AKAP6: variants seen among roughly 807,000 people sequenced by gnomAD.
AKAP6 encodes the protein A-kinase anchoring protein 6.
Under a neutral mutation model 188.5 loss-of-function variants are expected in AKAP6, and 58 were observed. That is an observed-to-expected ratio of 0.31 (90% CI 0.25 to 0.38). AKAP6 has a LOEUF of 0.38. Ranked by LOEUF, AKAP6 falls within the 10% of genes least tolerant of loss-of-function variation. The pLI is 1.00. For missense variants in AKAP6, 2,710 were observed against 2,740.0 expected, an observed-to-expected ratio of 0.99 and a Z score of 0.24; for synonymous variants, 989 against 998.6, an observed-to-expected ratio of 0.99 and a Z score of 0.18.
chr14:32,340,260 T>C (rs1383949046), intron 1 of AKAP6, among the ~76,000 whole-genome samples: 1 of 152,098 alleles, frequency 6.6e-6, no homozygotes, highest in Non-Finnish European at 1.5e-5. Context: ...TTCAACAACC[T>C]TATGCTACAA....
Position 32,759,258 on chromosome 14 carries a change from A to T in AKAP6, c.3373-14420A>T, listed in dbSNP as rs183251981. Among the ~76,000 whole-genome samples the T allele has an allele frequency of 5.9e-5, 9 of 152,272 alleles. No individual in the cohort carries two copies. In the East Asian group the frequency reaches 1.7e-3, roughly 29 times the overall value. On this transcript the variant is annotated intron_variant, in intron 11 of 13. Coordinates refer to ENST00000280979, the MANE Select transcript of AKAP6 (RefSeq NM_004274.5). ...TTAATATTATTAGGATAAGTGTAAT[A>T]ATAGATTGAAAGGTTTGATGTTGAA...
chr14:32,352,839 T>C lies in AKAP6; in HGVS notation c.-35+23431T>C, dbSNP rs559948146. ...GGTTGATTCCGTATCTTGGCTATTG[T>C]GAATAGTGACACAATAAACGTGGGA... On this transcript the variant is annotated intron_variant, in intron 1 of 13. Coordinates refer to ENST00000280979, the MANE Select transcript of AKAP6 (RefSeq NM_004274.5). Among the ~76,000 whole-genome samples, 60 of 152,352 alleles carry C rather than the reference T, an allele frequency of 3.9e-4. 1 individual carries two copies. The highest frequency in any genetic ancestry group is 2.5e-3 in the Admixed American group (38 of 15,306).
chr14:32,468,344 C>T (rs931389655), intron 2 of AKAP6, among the ~76,000 whole-genome samples: 1 of 152,152 alleles, frequency 6.6e-6, no homozygotes. Flanking sequence ...TAGTTTTCAT[C>T]CCTGGATGAC....
At chr14:32,357,069 G>A (rs2138471624) in intron 1 of AKAP6, among the ~76,000 whole-genome samples, 1 of 152,132 alleles carries the variant, frequency 6.6e-6, no homozygotes, top group East Asian at 1.9e-4. Flanking sequence ...ATTTATTTAT[G>A]TGTTTCTAGT....
At chr14:32,769,130 C>T (rs887431609) in intron 11 of AKAP6, among the ~76,000 whole-genome samples, 4 of 143,874 alleles carry the variant, frequency 2.8e-5, no homozygotes, top group African/African-American at 1.1e-4. Flanking sequence ...CCACTGCAAC[C>T]TCCACCTCCT....
intron 7 of AKAP6, among the ~76,000 whole-genome samples, chr14:32,650,980 G>A (rs749785438): frequency 1.3e-5 from 2 of 152,062 alleles, no homozygotes; most frequent in Non-Finnish European, 2.9e-5. Context: ...TAAGACATAT[G>A]AAGGAAAAAA....
intron 2 of AKAP6, among the ~76,000 whole-genome samples, chr14:32,474,714 G>A (rs1176780719): frequency 2.0e-5 from 3 of 152,182 alleles, no homozygotes; most frequent in Admixed American, 6.5e-5. Flanking sequence ...CATGGAATAT[G>A]TTTCCAGTTC....
chr14:32,764,261 A>G (rs1417814396), intron 11 of AKAP6, among the ~76,000 whole-genome samples: 1 of 152,240 alleles, frequency 6.6e-6, no homozygotes, highest in Non-Finnish European at 1.5e-5. Flanking sequence ...AAAGTGTTCC[A>G]TAAATATTTG....
intron 1 of AKAP6, among the ~76,000 whole-genome samples, chr14:32,385,486 G>A (rs1888503189): frequency 1.3e-5 from 2 of 148,986 alleles, no homozygotes; most frequent in African/African-American, 5.0e-5. Context: ...GTGGTAATTT[G>A]TGAGATTTTG....
intron 1 of AKAP6, among the ~76,000 whole-genome samples, chr14:32,337,840 A>G (rs897247213): frequency 6.6e-6 from 1 of 151,924 alleles, no homozygotes; most frequent in East Asian, 1.9e-4. Context: ...GGATGGAGAA[A>G]AAGATAACAT....
intron 2 of AKAP6, among the ~76,000 whole-genome samples, chr14:32,534,080 T>C (rs1011150159): frequency 6.6e-6 from 1 of 152,230 alleles, no homozygotes; most frequent in Non-Finnish European, 1.5e-5. Flanking sequence ...TAGCACAATT[T>C]ATCATTCTTC....
chr14:32,501,365 C>T (rs1880601647), intron 2 of AKAP6, among the ~76,000 whole-genome samples: 2 of 152,074 alleles, frequency 1.3e-5, no homozygotes, highest in Admixed American at 1.3e-4. Context: ...GTTCATTTTT[C>T]TAGGACCTCA....
rs758940053 is a variant in AKAP6, at chr14:32,773,864, C to T, written c.3559C>T (p.Arg1187Cys). The T allele has an allele frequency of 1.4e-5, 23 of 1,613,862 alleles. No individual in the cohort carries two copies. The highest frequency in any genetic ancestry group is 1.9e-5 in the Non-Finnish European group (23 of 1,179,956). Reference sequence around the variant, plus strand: ...CATGCAAGCCGTCCAGTGGCAAACACGTCTACAAAAGAAGATGGGAAAGGA... The same window carrying T: ...CATGCAAGCCGTCCAGTGGCAAACATGTCTACAAAAGAAGATGGGAAAGGA... The part of the protein sequence containing the change: ...IVMQAVQWQT[R>C]LQKKMGKESE... The change falls in exon 12 of 14, where the codon CGT becomes TGT. Residue 1187 changes from arginine to cysteine, a missense_variant. Coordinates refer to ENST00000280979, the MANE Select transcript of AKAP6 (RefSeq NM_004274.5).
At chr14:32,557,616 G>C (rs554479755) in intron 4 of AKAP6, among the ~76,000 whole-genome samples, 1 of 152,270 alleles carries the variant, frequency 6.6e-6, no homozygotes, top group East Asian at 1.9e-4. Flanking sequence ...GTGGTAGTGT[G>C]CTCTACACTA....
intron 1 of AKAP6, among the ~76,000 whole-genome samples, chr14:32,333,301 T>C (rs533286383): frequency 6.6e-6 from 1 of 152,230 alleles, no homozygotes; most frequent in African/African-American, 2.4e-5. Context: ...TTTCTTCTAT[T>C]TATAATCCTA....
chr14:32,766,512 A>C (rs1298014014), intron 11 of AKAP6, among the ~76,000 whole-genome samples: 1 of 152,132 alleles, frequency 6.6e-6, no homozygotes, highest in Non-Finnish European at 1.5e-5. Context: ...CCTTGTTAAC[A>C]CTTGTTATTT....
chr14:32,830,536 T>A lies in AKAP6; in HGVS notation c.*731T>A, dbSNP rs945216118. ...AGGTGGTAATGAGAAAAAAGTTTTT[T>A]AAAAAAGTGTGCCTTGCTGTATTTC... is the stretch of plus-strand genomic sequence containing the variant. On this transcript the variant is annotated 3_prime_UTR_variant, in exon 14 of 14. Coordinates refer to ENST00000280979, the MANE Select transcript of AKAP6 (RefSeq NM_004274.5). 2 of 152,734 alleles carry A rather than the reference T, an allele frequency of 1.3e-5. No individual in the cohort carries two copies. The highest frequency in any genetic ancestry group is 4.8e-5 in the African/African-American group (2 of 41,558). The allele number at this position is 152,734 out of a possible 1,614,324, so 9.5% of individuals were successfully genotyped here. A position where few individuals can be genotyped will look rare whatever the true frequency, so the allele number is the denominator to read the frequency against.
chr14:32,386,946 T>G (rs1329894466), intron 1 of AKAP6, among the ~76,000 whole-genome samples: 2 of 152,178 alleles, frequency 1.3e-5, no homozygotes, highest in Admixed American at 1.3e-4. Context: ...GGATTCTCTA[T>G]TCTGTTCCAT....
intron 12 of AKAP6, among the ~76,000 whole-genome samples, chr14:32,817,086 T>C (rs2034397202): frequency 6.6e-6 from 1 of 152,176 alleles, no homozygotes; most frequent in South Asian, 2.1e-4. Context: ...TCTATTAGGT[T>C]ATTGTTTTGT....
Sources: allele counts gnomAD v4.1 joint callset (sites outside exome capture counted in the v4.1 genomes callset), GRCh38; gene constraint gnomAD v4.1.1; transcripts MANE v1.5; gene names NCBI Gene and HGNC (gene_info 2026-07-23, HGNC 2026-07-21).